NAT10: variants seen among roughly 807,000 people sequenced by gnomAD.
The protein encoded by NAT10 is N-acetyltransferase 10.
Under a neutral mutation model 132.2 loss-of-function variants are expected in NAT10, and 109 were observed. That is an observed-to-expected ratio of 0.82 (90% CI 0.71 to 0.97). The LOEUF is 0.97. Among genes scored for constraint, NAT10 ranks in the 50% least tolerant of loss-of-function variants. The probability of loss-of-function intolerance (pLI) is 0.00; values close to 1 mark genes in which losing one functional copy is unlikely to be tolerated. For missense variants in NAT10, 1,184 were observed against 1,263.4 expected, an observed-to-expected ratio of 0.94 and a Z score of 0.95; for synonymous variants, 479 against 478.0, an observed-to-expected ratio of 1.00 and a Z score of -0.03.
chr11:34,122,308 G>A, intron 8 of NAT10, 151 bp from the exon 9 acceptor site: 1 of 914,028 alleles, frequency 1.1e-6, no homozygotes, highest in Non-Finnish European at 1.7e-6. Context: ...GGAGTGAGAA[G>A]TCCAGGTGCT....
chr11:34,110,410 A>G (rs186091746), intron 3 of NAT10, among the ~76,000 whole-genome samples: 80 of 151,792 alleles, frequency 5.3e-4, no homozygotes, highest in Non-Finnish European at 7.1e-4. Flanking sequence ...TCCTCCGTGA[A>G]ACTTTTCCTG....
chr11:34,146,048 C>A (rs1418676768), intron 28 of NAT10, 36 bp from the exon 29 acceptor site: 3 of 1,414,858 alleles, frequency 2.1e-6, no homozygotes, highest in Non-Finnish European at 2.9e-6. Context: ...CAGATCTGTA[C>A]ATATTTCATT....
chr11:34,109,562 G>A (rs931252403), intron 3 of NAT10, among the ~76,000 whole-genome samples: 7 of 152,140 alleles, frequency 4.6e-5, no homozygotes, highest in African/African-American at 1.2e-4. Flanking sequence ...CCTTTTCAGA[G>A]CTCTGCCTCT....
chr11:34,139,305 G>A lies in NAT10; in HGVS notation c.2308+18G>A. The stretch of plus-strand genomic sequence containing the variant: ...CTGGAAAGGTGACTGAGGAGTAGGG[G>A]TTTGGGGGAGACAATGAGGTGATTG... On this transcript the variant is annotated intron_variant, in intron 22 of 28. Transcript: ENST00000257829. The A allele has an allele frequency of 1.2e-6, 2 of 1,613,400 alleles. No individual in the cohort carries two copies. The highest frequency in any genetic ancestry group is 1.7e-6 in the Non-Finnish European group (2 of 1,179,350).
chr11:34,108,819 G>A lies in NAT10; in HGVS notation c.186G>A (p.Glu62=). The stretch of plus-strand genomic sequence containing the variant: ...CAGTGCTGTGGTGTTATAAGAAAGA[G>A]CTGGGGTTTAGCAGGTAAGCTGGGC... ...RPSVLWCYKK[E]LGFSSHRKKR... Residue 62 remains glutamate, a synonymous_variant, in exon 3 of 29, where the codon GAG becomes GAA. Coordinates refer to ENST00000257829, the MANE Select transcript of NAT10 (RefSeq NM_024662.3). 1 of 1,613,762 alleles carries A rather than the reference G, an allele frequency of 6.2e-7. No individual in the cohort carries two copies. The highest frequency in any genetic ancestry group is 8.5e-7 in the Non-Finnish European group (1 of 1,179,862).
Position 34,143,444 on chromosome 11 carries a change from G to T in NAT10, c.2886-1G>T. On this transcript the variant is annotated splice_acceptor_variant, in intron 27 of 28. Coordinates refer to ENST00000257829, the MANE Select transcript of NAT10 (RefSeq NM_024662.3). LOFTEE classifies it high-confidence loss of function. ...TTTGATAGTTCCCTTCTTTTTTTTA[G>T]ATACATAATCCGTGGGGACGATGAA... 1 of 1,600,718 alleles carries T rather than the reference G, an allele frequency of 6.2e-7. No homozygotes were observed. Among genetic ancestry groups the T allele is most frequent in the Admixed American group, 1.7e-5 (1 of 59,018 alleles).
At chr11:34,107,319 GGTCT>G in intron 1 of NAT10, 1 of 152,172 alleles carries the variant, frequency 6.6e-6, no homozygotes, top group East Asian at 1.9e-4. Flanking sequence ...GAACTTTTGA[GGTCT>G]GTCTGTACAA....
intron 3 of NAT10, among the ~76,000 whole-genome samples, chr11:34,109,291 C>T (rs1418245454): frequency 6.6e-6 from 1 of 152,160 alleles, no homozygotes; most frequent in African/African-American, 2.4e-5. Flanking sequence ...CACCCAATAC[C>T]CTTTGGAAAC....
chr11:34,127,346 G>C (rs921804956), intron 11 of NAT10, 117 bp from the exon 12 acceptor site: 1 of 1,164,682 alleles, frequency 8.6e-7, no homozygotes, highest in Non-Finnish European at 1.2e-6. Context: ...AGGAATGAGA[G>C]GAGAGAAGGA....
In NAT10 at chr11:34,146,134, A is replaced by G; in HGVS notation, c.3020A>G (p.Lys1007Arg). The G allele has an allele frequency of 6.2e-7, 1 of 1,611,086 alleles. No individual in the cohort carries two copies. The highest frequency in any genetic ancestry group is 2.2e-5 in the East Asian group (1 of 44,886). Residue 1007 changes from lysine (K) to arginine (R), a missense_variant, in exon 29 of 29, where the codon AAG becomes AGG. By Grantham distance (26) the Lys-to-Arg change is conservative (BLOSUM62 2). Coordinates refer to ENST00000257829, the MANE Select transcript of NAT10 (RefSeq NM_024662.3). ...AAACAAGAACCCAAACAGAGCAAGA[A>G]GTTGAAGAACAGAGAGACAAAGAAC... ...EAKQEPKQSKKLKNRETKNKK... is the reference protein window; with the variant it reads ...EAKQEPKQSKRLKNRETKNKK...
chr11:34,110,418 C>T (rs1223021804), intron 3 of NAT10, among the ~76,000 whole-genome samples: 1 of 151,852 alleles, frequency 6.6e-6, no homozygotes, highest in African/African-American at 2.4e-5. Context: ...GAAACTTTTC[C>T]TGAGCCCCCC....
intron 2 of NAT10, 135 bp downstream of exon 2, chr11:34,108,468 C>G (rs78307936): frequency 0.081 from 59,778 of 735,630 alleles, 2,731 homozygotes; most frequent in Middle Eastern, 0.12. Flanking sequence ...GGGAACCTTT[C>G]TTTATTTCCT....
At chr11:34,122,661 C>G (rs1851915649) in intron 9 of NAT10, 69 bp downstream of exon 9, 4 of 1,577,874 alleles carry the variant, frequency 2.5e-6, no homozygotes, top group Non-Finnish European at 2.6e-6. Flanking sequence ...GGGTTGGGGT[C>G]AGAGGACTGG....
At chr11:34,108,700 T>G in intron 2 of NAT10, 42 bp from the exon 3 acceptor site, 2 of 1,568,790 alleles carry the variant, frequency 1.3e-6, no homozygotes, top group Non-Finnish European at 1.7e-6. Context: ...GTCTCTAAAG[T>G]CTCTTTTGTG....
intron 25 of NAT10, 111 bp downstream of exon 25, chr11:34,141,319 C>T (rs998682115): frequency 1.3e-4 from 180 of 1,368,452 alleles, no homozygotes; most frequent in Middle Eastern, 2.6e-4. Context: ...TGCTGCATCT[C>T]GTCACACACA....
chr11:34,127,439 A>T (rs190864371), intron 11 of NAT10, 24 bp from the exon 12 acceptor site: 98 of 1,582,592 alleles, frequency 6.2e-5, no homozygotes, highest in Non-Finnish European at 8.2e-5. Flanking sequence ...CTATGCTAAT[A>T]ATCTAAATTT....
At chr11:34,116,347 G>A (rs1310940881) in intron 6 of NAT10, among the ~76,000 whole-genome samples, 3 of 152,134 alleles carry the variant, frequency 2.0e-5, no homozygotes, top group African/African-American at 7.2e-5. Context: ...CTGAGCAAAG[G>A]AACACCCATA....
chr11:34,119,946 T>C lies in NAT10; in HGVS notation c.780+1443T>C, dbSNP rs146005843. On this transcript the variant is annotated intron_variant, in intron 8 of 28. Coordinates refer to ENST00000257829, the MANE Select transcript of NAT10 (RefSeq NM_024662.3). ...GGTGTTGTACCAGTTGATGGAACTA[T>C]CCAGTGTGTGGAAATGCCTTTTTCT... Among the ~76,000 whole-genome samples, 654 of 152,318 alleles carry C rather than the reference T, an allele frequency of 4.3e-3. 6 individuals carry two copies. The highest frequency in any genetic ancestry group is 0.015 in the African/African-American group (615 of 41,560).
chr11:34,145,140 G>C (rs1218109513), intron 28 of NAT10, among the ~76,000 whole-genome samples: 1 of 152,236 alleles, frequency 6.6e-6, no homozygotes, highest in Admixed American at 6.5e-5. Context: ...AAAGGCCGGG[G>C]AGCATGCTTG....
Sources: allele counts gnomAD v4.1 joint callset (sites outside exome capture counted in the v4.1 genomes callset), GRCh38; gene constraint gnomAD v4.1.1; transcripts MANE v1.5; gene names NCBI Gene and HGNC (gene_info 2026-07-23, HGNC 2026-07-21).